Variants in RAD51 observed in about 807,000 individuals in gnomAD.
RAD51 encodes DNA repair protein RAD51 homolog 1.
In RAD51, 14 loss-of-function variants were observed where a neutral mutation model predicts 41.5. The ratio of observed to expected loss-of-function variants is 0.34; its 90% CI spans 0.22 to 0.53. The LOEUF (loss-of-function observed/expected upper bound fraction) is 0.53, where lower values mean the gene tolerates loss of function less well. Ranked by LOEUF, RAD51 falls within the 20% of genes least tolerant of loss-of-function variation. The probability of loss-of-function intolerance (pLI) is 0.95; values close to 1 mark genes in which losing one functional copy is unlikely to be tolerated. For missense variants in RAD51, 234 were observed against 422.0 expected, an observed-to-expected ratio of 0.55 and a Z score of 3.90; for synonymous variants, 136 against 148.6, an observed-to-expected ratio of 0.92 and a Z score of 0.62.
intron 3 of RAD51, among the ~76,000 whole-genome samples, chr15:40,705,434 G>A (rs896758108): frequency 6.6e-6 from 1 of 152,178 alleles, no homozygotes; most frequent in Admixed American, 6.5e-5. Context: ...TGGGGAAGTA[G>A]CCATGGAGAG....
At chr15:40,714,954 G>T (rs1295167499) in intron 5 of RAD51, among the ~76,000 whole-genome samples, 1 of 151,876 alleles carries the variant, frequency 6.6e-6, no homozygotes, top group African/African-American at 2.4e-5. Flanking sequence ...CCGGAGGATT[G>T]CTTGAACCCA....
chr15:40,721,506 A>C (rs1395756811), intron 6 of RAD51, among the ~76,000 whole-genome samples: 1 of 152,054 alleles, frequency 6.6e-6, no homozygotes, highest in Non-Finnish European at 1.5e-5. Context: ...AATTTTTTTA[A>C]AATTTAAAAT....
At chr15:40,719,832 A>AG (rs1491306177) in intron 6 of RAD51, among the ~76,000 whole-genome samples, 1 of 39,840 alleles carries the variant, frequency 2.5e-5, no homozygotes, top group African/African-American at 6.2e-5. Context: ...AATCCGTCTC[A>AG]AAAAAAAAAG....
At chr15:40,728,853 TG>T (rs1555429501) in intron 7 of RAD51, 29 bp downstream of exon 7, 3 of 1,558,406 alleles carry the variant, frequency 1.9e-6, no homozygotes, top group Non-Finnish European at 2.7e-6. Flanking sequence ...ACACCAAATA[TG>T]TTCTTAAGAG....
chr15:40,696,157 C>A (rs1393483349), intron 1 of RAD51, among the ~76,000 whole-genome samples: 1 of 152,012 alleles, frequency 6.6e-6, no homozygotes, highest in Non-Finnish European at 1.5e-5. Flanking sequence ...GGATTACAGC[C>A]GTGAGCCACA....
chr15:40,696,001 A>G (rs1045293717), intron 1 of RAD51: 1 of 152,132 alleles, frequency 6.6e-6, no homozygotes, highest in Admixed American at 6.6e-5. Flanking sequence ...CAGCCTCCCG[A>G]GGAGCTGGGA....
chr15:40,710,241 C>CAAAAAAAA (rs71104728), intron 5 of RAD51, among the ~76,000 whole-genome samples: 2 of 44,302 alleles, frequency 4.5e-5, no homozygotes, highest in Admixed American at 4.2e-4. Flanking sequence ...GACTCTGTCT[C>CAAAAAAAA]AAAAAAAAAA....
intron 5 of RAD51, among the ~76,000 whole-genome samples, chr15:40,709,986 T>C (rs1039133655): frequency 3.9e-5 from 6 of 152,014 alleles, no homozygotes; most frequent in Non-Finnish European, 7.4e-5. Flanking sequence ...CTCACGCCTG[T>C]AATCCCAGCA....
At chr15:40,710,276 A>G (rs1279300030) in intron 5 of RAD51, among the ~76,000 whole-genome samples, 1 of 142,836 alleles carries the variant, frequency 7.0e-6, no homozygotes, top group Non-Finnish European at 1.5e-5. Context: ...AAAAAGAAGA[A>G]GAAAAAAAAA....
chr15:40,716,714 G>A (rs1231828046), intron 5 of RAD51, among the ~76,000 whole-genome samples: 7 of 136,020 alleles, frequency 5.1e-5, no homozygotes, highest in South Asian at 2.3e-4. Context: ...AGGCTGGAGT[G>A]TAGTGGCACG....
At chr15:40,711,041 T>C (rs990239777) in intron 5 of RAD51, among the ~76,000 whole-genome samples, 1 of 152,158 alleles carries the variant, frequency 6.6e-6, no homozygotes, top group African/African-American at 2.4e-5. Context: ...AATTGCCCAA[T>C]ACATTGTATT....
Position 40,729,978 on chromosome 15 carries a change from AG to A in RAD51, c.896+6del, listed in dbSNP as rs544409089. ...TCGCCCATGCATCAACAACCAGGTA[AG>A]GTGTTGATGGGATCAGTTCTTCTTT... is the stretch of plus-strand genomic sequence containing the variant. On this transcript the variant is annotated splice_donor_5th_base_variant and intron_variant, in intron 9 of 9. Transcript: ENST00000267868. 3.9e-5 allele frequency: 63 copies of A among 1,613,956 alleles called. No homozygotes were observed. In the African/African-American group the frequency reaches 8.1e-4, roughly 21 times the overall value.
rs1476259280 is a variant in RAD51, at chr15:40,720,210, C to T, written c.530+1311C>T. On this transcript the variant is annotated intron_variant, in intron 6 of 9. Coordinates refer to ENST00000267868, the MANE Select transcript of RAD51 (RefSeq NM_002875.5). ...CACTGCAACTTCCACCTCTTGGGTT[C>T]AAGTGACTCTCCTGCCTCAGCCAAA... 2.6e-5 allele frequency among the ~76,000 whole-genome samples: 4 copies of T among 151,932 alleles called. No homozygotes were observed. The East Asian group carries it at 7.7e-4, about 29-fold the overall frequency.
intron 6 of RAD51, among the ~76,000 whole-genome samples, chr15:40,719,604 G>A (rs1308420292): frequency 2.0e-5 from 3 of 152,158 alleles, no homozygotes; most frequent in South Asian, 2.1e-4. Flanking sequence ...AGGCTGAAGC[G>A]GGTGGATCAC....
chr15:40,722,413 CG>C (rs1181872786), intron 6 of RAD51, among the ~76,000 whole-genome samples: 8 of 139,844 alleles, frequency 5.7e-5, no homozygotes, highest in African/African-American at 2.2e-4. Context: ...AACTCTGGCT[CG>C]GGGAAAAAAA....
At chr15:40,711,411 T>C (rs1895700264) in intron 5 of RAD51, among the ~76,000 whole-genome samples, 1 of 152,184 alleles carries the variant, frequency 6.6e-6, no homozygotes, top group African/African-American at 2.4e-5. Context: ...GCTGTATTGC[T>C]AGTGCCTAAG....
At chr15:40,725,391 CA>C (rs909792947) in intron 6 of RAD51, among the ~76,000 whole-genome samples, 49 of 152,124 alleles carry the variant, frequency 3.2e-4, no homozygotes, top group Non-Finnish European at 6.3e-4. Flanking sequence ...GTCTCTTTAT[CA>C]AGAAAAAAAT....
intron 5 of RAD51, among the ~76,000 whole-genome samples, chr15:40,710,198 C>T (rs568422862): frequency 8.5e-4 from 110 of 130,016 alleles, no homozygotes; most frequent in Non-Finnish European, 1.3e-3. Context: ...GCCGAGATTG[C>T]GCCACTGCAC....
chr15:40,724,674 CTTTT>C (rs869156620), intron 6 of RAD51, among the ~76,000 whole-genome samples: 6 of 94,354 alleles, frequency 6.4e-5, no homozygotes, highest in Admixed American at 1.5e-4. Flanking sequence ...TTTTTTATTT[CTTTT>C]TTTTTTTTTT....
Sources: gnomAD v4.1 joint callset for allele counts (sites outside exome capture counted in the v4.1 genomes callset) on GRCh38, gnomAD v4.1.1 for gene constraint, MANE v1.5 for transcripts, NCBI Gene and HGNC (gene_info 2026-07-23, HGNC 2026-07-21) for gene names.